The following GRM7 variants were observed in gnomAD, a reference collection of about 807,000 sequenced individuals.
GRM7 encodes the protein metabotropic glutamate receptor 7.
GRM7 carries 35 observed loss-of-function variants against 84.5 expected under a neutral mutation model. The ratio of observed to expected loss-of-function variants is 0.41; its 90% CI spans 0.32 to 0.55. GRM7 has a LOEUF of 0.55. GRM7 is among the 20% of genes least tolerant of loss of function. The probability of loss-of-function intolerance (pLI) is 0.19; values close to 1 mark genes in which losing one functional copy is unlikely to be tolerated. For missense variants in GRM7, 1,003 were observed against 1,194.6 expected, an observed-to-expected ratio of 0.84 and a Z score of 2.36; for synonymous variants, 487 against 455.1, an observed-to-expected ratio of 1.07 and a Z score of -0.89.
At chr3:7,504,115 A>C (rs1048994261) in intron 7 of GRM7, among the ~76,000 whole-genome samples, 37 of 152,330 alleles carry the variant, frequency 2.4e-4, no homozygotes, top group African/African-American at 8.4e-4. Context: ...AGACTCAATA[A>C]AAAATTTTGT....
intron 2 of GRM7, among the ~76,000 whole-genome samples, chr3:7,150,086 T>TGA (rs370334123): frequency 0.26 from 39,468 of 149,794 alleles, 5,493 homozygotes; most frequent in Non-Finnish European, 0.32. Flanking sequence ...TGTGTGTGTG[T>TGA]GAGAGAGAGA....
chr3:7,227,151 A>C (rs1382547707), intron 2 of GRM7, among the ~76,000 whole-genome samples: 8 of 152,230 alleles, frequency 5.3e-5, no homozygotes, highest in African/African-American at 1.9e-4. Flanking sequence ...TAGAAGTCTT[A>C]CTTGAATGTA....
intron 2 of GRM7, among the ~76,000 whole-genome samples, chr3:7,160,080 C>T (rs1694577246): frequency 6.6e-6 from 1 of 152,082 alleles, no homozygotes; most frequent in African/African-American, 2.4e-5. Context: ...ACAAACTTTA[C>T]ATTTTGGGAG....
chr3:7,270,862 C>T (rs559662774), intron 2 of GRM7, among the ~76,000 whole-genome samples: 3 of 152,286 alleles, frequency 2.0e-5, no homozygotes, highest in South Asian at 4.1e-4. Flanking sequence ...ATACCAGAAT[C>T]GGGCTGAATA....
intron 1 of GRM7, among the ~76,000 whole-genome samples, chr3:6,953,906 TG>T (rs1559349453): frequency 6.6e-6 from 1 of 152,028 alleles, no homozygotes; most frequent in African/African-American, 2.4e-5. Flanking sequence ...GTGCTAAACA[TG>T]GTCCCAGGCA....
chr3:7,364,026 A>G (rs774202386), intron 4 of GRM7, among the ~76,000 whole-genome samples: 1 of 152,060 alleles, frequency 6.6e-6, no homozygotes, highest in Non-Finnish European at 1.5e-5. Flanking sequence ...TATTATGGGT[A>G]TATCCTGTAA....
chr3:7,281,960 G>C (rs574853548), intron 2 of GRM7, among the ~76,000 whole-genome samples: 1 of 152,278 alleles, frequency 6.6e-6, no homozygotes, highest in African/African-American at 2.4e-5. Context: ...GCGTGAGGCT[G>C]TAGTCCCAGC....
Position 7,296,537 on chromosome 3 carries a change from C to T in GRM7, c.737-2147C>T, listed in dbSNP as rs529088488. Among the ~76,000 whole-genome samples the T allele has an allele frequency of 3.0e-4, 45 of 152,118 alleles. 1 individual carries two copies. The highest frequency in any genetic ancestry group is 2.5e-3 in the South Asian group (12 of 4,820). On this transcript the variant is annotated intron_variant, in intron 2 of 9. Transcript: ENST00000357716. ...CTTTATTTTCTGAAAGATTTTTAAA[C>T]GACCAATTTGGCATTTTTAATTTAC...
At chr3:7,273,327 GCTA>G (rs1698937417) in intron 2 of GRM7, among the ~76,000 whole-genome samples, 1 of 151,996 alleles carries the variant, frequency 6.6e-6, no homozygotes, top group Non-Finnish European at 1.5e-5. Context: ...TGTACATTTT[GCTA>G]CTAACGAATA....
intron 7 of GRM7, among the ~76,000 whole-genome samples, chr3:7,568,193 G>C (rs555085945): frequency 6.6e-6 from 1 of 152,172 alleles, no homozygotes; most frequent in East Asian, 1.9e-4. Context: ...TGGGGAGCCT[G>C]GCAGGCCCCA....
rs1178385572 is a variant in GRM7 at position 7,614,016 on chromosome 3, T to A, written c.2451+34659T>A. 3.9e-5 allele frequency among the ~76,000 whole-genome samples: 6 copies of A among 152,208 alleles called. No individual in the cohort carries two copies. The East Asian group carries it at 1.2e-3, about 29-fold the overall frequency. On this transcript the variant is annotated intron_variant, in intron 8 of 9. Transcript: ENST00000357716. ...CAGTGGCTCGCACTTGTAATCCTAGTACTTTGGGAGGCCAAGGCGAGCTGA... is the reference window on the plus strand; with the variant it reads ...CAGTGGCTCGCACTTGTAATCCTAGAACTTTGGGAGGCCAAGGCGAGCTGA...
At chr3:7,310,739 T>C (rs1413968513) in intron 4 of GRM7, among the ~76,000 whole-genome samples, 2 of 152,204 alleles carry the variant, frequency 1.3e-5, no homozygotes, top group East Asian at 1.9e-4. Flanking sequence ...TGAAAAAATA[T>C]AGTTGAGCCC....
At chr3:6,943,327 T>G (rs1305630166) in intron 1 of GRM7, among the ~76,000 whole-genome samples, 1 of 151,956 alleles carries the variant, frequency 6.6e-6, no homozygotes, top group Non-Finnish European at 1.5e-5. Flanking sequence ...TTTAGATGTT[T>G]TATAGTTTTA....
At chr3:7,070,589 G>C (rs73029528) in intron 1 of GRM7, among the ~76,000 whole-genome samples, 45,882 of 151,896 alleles carry the variant, frequency 0.3, 7,340 homozygotes, top group African/African-American at 0.39. Context: ...GAAATATCCG[G>C]ATGACAATTT....
At chr3:6,957,007 C>T (rs137912468) in intron 1 of GRM7, among the ~76,000 whole-genome samples, 131 of 152,272 alleles carry the variant, frequency 8.6e-4, no homozygotes, top group African/African-American at 2.7e-3. Flanking sequence ...AGCTAGATGA[C>T]TATTTAACCT....
chr3:6,925,471 C>T (rs1483683311), intron 1 of GRM7, among the ~76,000 whole-genome samples: 2 of 152,154 alleles, frequency 1.3e-5, no homozygotes, highest in Admixed American at 6.5e-5. Flanking sequence ...ACTTCAAACT[C>T]AGCACCCTCC....
chr3:7,514,206 C>T (rs968199100), intron 7 of GRM7, among the ~76,000 whole-genome samples: 1 of 152,198 alleles, frequency 6.6e-6, no homozygotes, highest in Admixed American at 6.5e-5. Flanking sequence ...AATTGTAACA[C>T]ATCCTATACA....
intron 9 of GRM7, among the ~76,000 whole-genome samples, chr3:7,735,966 C>G (rs1047662767): frequency 6.6e-6 from 1 of 152,146 alleles, no homozygotes; most frequent in East Asian, 1.9e-4. Context: ...CCAAATGGCT[C>G]TCCCATATAA....
chr3:7,137,046 C>T (rs906874111), intron 1 of GRM7, among the ~76,000 whole-genome samples: 1 of 152,084 alleles, frequency 6.6e-6, no homozygotes, highest in Non-Finnish European at 1.5e-5. Context: ...TTAATGTGTG[C>T]TGTTTATTGG....
Sources: allele counts gnomAD v4.1 joint callset (sites outside exome capture counted in the v4.1 genomes callset), GRCh38; gene constraint gnomAD v4.1.1; transcripts MANE v1.5; gene names NCBI Gene and HGNC (gene_info 2026-07-23, HGNC 2026-07-21).